Variants in CNTN1 observed in about 807,000 individuals in gnomAD.
CNTN1 encodes the protein contactin-1.
CNTN1 carries 38 observed loss-of-function variants against 126.4 expected under a neutral mutation model. The ratio of observed to expected loss-of-function variants is 0.30; its 90% CI spans 0.23 to 0.39. The LOEUF is 0.39. Among genes scored for constraint, CNTN1 ranks in the 10% least tolerant of loss-of-function variants. The pLI, the probability that CNTN1 is intolerant of heterozygous loss-of-function variation, is 1.00. For synonymous variants in CNTN1, 413 were observed against 422.6 expected, an observed-to-expected ratio of 0.98 and a Z score of 0.28; for missense variants, 1,009 against 1,248.4, an observed-to-expected ratio of 0.81 and a Z score of 2.89.
intron 1 of CNTN1, among the ~76,000 whole-genome samples, chr12:40,853,030 C>T (rs983628675): frequency 1.3e-5 from 2 of 152,016 alleles, no homozygotes; most frequent in Non-Finnish European, 2.9e-5. Context: ...AAACATTATC[C>T]TGTCTTCAAA....
chr12:40,759,213 G>T (rs963410013), intron 1 of CNTN1, among the ~76,000 whole-genome samples: 2 of 151,794 alleles, frequency 1.3e-5, no homozygotes, highest in African/African-American at 4.8e-5. Flanking sequence ...CAAGTATTCA[G>T]GTTTTATAGC....
At chr12:41,042,710 G>T (rs1371367134) in intron 23 of CNTN1, among the ~76,000 whole-genome samples, 1 of 152,068 alleles carries the variant, frequency 6.6e-6, no homozygotes, top group Non-Finnish European at 1.5e-5. Context: ...TAAGCCAAAA[G>T]AACTAAGCTG....
chr12:40,863,836 T>C (rs573394808), intron 1 of CNTN1, among the ~76,000 whole-genome samples: 3 of 152,078 alleles, frequency 2.0e-5, no homozygotes, highest in African/African-American at 7.2e-5. Context: ...AACTGGGACC[T>C]GGTGCCAAAG....
At chr12:40,959,781 C>G (rs764441318) in intron 15 of CNTN1, among the ~76,000 whole-genome samples, 44 of 152,008 alleles carry the variant, frequency 2.9e-4, no homozygotes, top group Non-Finnish European at 8.8e-5. Flanking sequence ...AACCCCTTTG[C>G]TACTGGCCGC....
intron 17 of CNTN1, among the ~76,000 whole-genome samples, chr12:41,013,618 C>T (rs954760150): frequency 2.0e-5 from 3 of 151,810 alleles, no homozygotes; most frequent in African/African-American, 4.8e-5. Context: ...AAGAAGAAAG[C>T]AGTATGACAG....
intron 1 of CNTN1, among the ~76,000 whole-genome samples, chr12:40,868,328 A>G (rs1388537953): frequency 3.3e-5 from 5 of 152,112 alleles, no homozygotes; most frequent in Admixed American, 2.0e-4. Flanking sequence ...TTGTAAGTAA[A>G]ATTTCAAAGC....
chr12:41,013,947 A>G (rs997698448), intron 17 of CNTN1, among the ~76,000 whole-genome samples: 1 of 152,210 alleles, frequency 6.6e-6, no homozygotes, highest in African/African-American at 2.4e-5. Context: ...TCTTTTTCCA[A>G]CAGTCTATGT....
chr12:40,830,981 T>C lies in CNTN1; in HGVS notation c.-76-77376T>C, dbSNP rs552859097. On this transcript the variant is annotated intron_variant, in intron 1 of 23. Coordinates refer to ENST00000551295, the MANE Select transcript of CNTN1 (RefSeq NM_001843.4). ...TATATATACACACACACACACACAC[T>C]ATATATGAAACATATATACTATAAG... is the stretch of plus-strand genomic sequence containing the variant. 4.5e-3 allele frequency among the ~76,000 whole-genome samples: 566 copies of C among 124,552 alleles called. 5 individuals are homozygous for C. The highest frequency in any genetic ancestry group is 0.014 in the African/African-American group (474 of 34,912). 81.7% of individuals were successfully genotyped at this position (124,552 alleles called of 152,430 possible).
Position 41,065,863 on chromosome 12 carries a change from A to G in CNTN1, c.2981-4096A>G, listed in dbSNP as rs962090834. 3.3e-5 allele frequency among the ~76,000 whole-genome samples: 5 copies of G among 152,348 alleles called. No individual in the cohort carries two copies. The East Asian group carries it at 5.8e-4, about 18-fold the overall frequency. On this transcript the variant is annotated intron_variant, in intron 23 of 23. Coordinates refer to ENST00000551295, the MANE Select transcript of CNTN1 (RefSeq NM_001843.4). ...ATGTCTGTCATACGAATCTGAATAA[A>G]GGTTTTGTTATTTTTCTGCCTCAGC...
chr12:41,046,916 C>T (rs1324354651), intron 23 of CNTN1, among the ~76,000 whole-genome samples: 3 of 145,988 alleles, frequency 2.1e-5, no homozygotes, highest in Non-Finnish European at 4.5e-5. Flanking sequence ...AATGTCAGCT[C>T]AGATTCCACG....
chr12:40,925,800 TTATATA>T (rs370971706), intron 6 of CNTN1, among the ~76,000 whole-genome samples: 31,656 of 116,382 alleles, frequency 0.27, 4,548 homozygotes, highest in Middle Eastern at 0.4. Flanking sequence ...ACTATTGAAA[TTATATA>T]TATATATATA....
At chr12:40,737,337 G>C (rs1053355135) in intron 1 of CNTN1, among the ~76,000 whole-genome samples, 30 of 126,802 alleles carry the variant, frequency 2.4e-4, no homozygotes, top group African/African-American at 8.8e-4. Flanking sequence ...GTGTGTGTGT[G>C]TGTGTGTATA....
At chr12:40,956,436 G>A (rs969878310) in intron 14 of CNTN1, among the ~76,000 whole-genome samples, 20 of 152,082 alleles carry the variant, frequency 1.3e-4, no homozygotes, top group African/African-American at 4.6e-4. Context: ...TATAGAAAGG[G>A]TACCTGCCTA....
chr12:40,913,240 T>TA (rs1034953091), intron 3 of CNTN1, among the ~76,000 whole-genome samples: 13 of 152,218 alleles, frequency 8.5e-5, no homozygotes, highest in Non-Finnish European at 1.5e-4. Flanking sequence ...CCCATGACCC[T>TA]AAAAAACTGG....
chr12:40,747,206 C>A (rs1938219376), intron 1 of CNTN1, among the ~76,000 whole-genome samples: 2 of 151,986 alleles, frequency 1.3e-5, no homozygotes, highest in Admixed American at 6.6e-5. Context: ...GCATAGTTTA[C>A]AAATGAAGTA....
chr12:40,700,492 C>A (rs1302008994), intron 1 of CNTN1, among the ~76,000 whole-genome samples: 1 of 151,782 alleles, frequency 6.6e-6, no homozygotes, highest in Non-Finnish European at 1.5e-5. Context: ...TGCCATTGCA[C>A]TCCAGCCTGG....
At chr12:40,764,457 T>G (rs565160236) in intron 1 of CNTN1, among the ~76,000 whole-genome samples, 1 of 152,368 alleles carries the variant, frequency 6.6e-6, no homozygotes, top group Non-Finnish European at 1.5e-5. Flanking sequence ...TAATTGTTTT[T>G]TATTGATGTT....
At chr12:40,799,856 A>G (rs1329395367) in intron 1 of CNTN1, among the ~76,000 whole-genome samples, 1 of 152,050 alleles carries the variant, frequency 6.6e-6, no homozygotes, top group Non-Finnish European at 1.5e-5. Context: ...TATTATTAGT[A>G]GTAGTATTTT....
chr12:40,846,825 G>C (rs535497592), intron 1 of CNTN1, among the ~76,000 whole-genome samples: 8 of 152,072 alleles, frequency 5.3e-5, no homozygotes, highest in African/African-American at 1.9e-4. Flanking sequence ...CCGAGTAGCT[G>C]AGAGTACAGA....
Sources: gnomAD v4.1 joint callset for allele counts (sites outside exome capture counted in the v4.1 genomes callset) on GRCh38, gnomAD v4.1.1 for gene constraint, MANE v1.5 for transcripts, NCBI Gene and HGNC (gene_info 2026-07-23, HGNC 2026-07-21) for gene names.